Variants in THUMPD2 observed in about 807,000 individuals in gnomAD.
THUMPD2 encodes U6 snRNA (guanine-N(2))-methyltransferase THUMPD2.
In THUMPD2, 56 loss-of-function variants were observed where a neutral mutation model predicts 49.4. The observed-to-expected ratio is 1.13, with a 90% CI of 0.91 to 1.41. The LOEUF (loss-of-function observed/expected upper bound fraction) is 1.41, where lower values mean the gene tolerates loss of function less well. THUMPD2 is among the 40% of genes most tolerant of loss of function. The probability of loss-of-function intolerance (pLI) is 0.00; values close to 1 mark genes in which losing one functional copy is unlikely to be tolerated. For synonymous variants in THUMPD2, 237 were observed against 205.2 expected, an observed-to-expected ratio of 1.15 and a Z score of -1.32; for missense variants, 709 against 594.5, an observed-to-expected ratio of 1.19 and a Z score of -2.00.
chr2:39,779,190 C>G lies in THUMPD2; in HGVS notation c.50G>C (p.Arg17Pro), dbSNP rs1679534702. 6.6e-7 allele frequency: 1 copy of G among 1,518,124 alleles called. No homozygotes were observed. The highest frequency in any genetic ancestry group is 1.2e-5 in the South Asian group (1 of 81,576). The allele number at this position is 1,518,124 out of a possible 1,614,324, so 94.0% of individuals were successfully genotyped here. Residue 17 changes from arginine (R) to proline (P), a missense_variant, in exon 1 of 10, where the codon CGA becomes CCA. Arg to Pro is a moderately radical substitution (Grantham distance 103). Transcript: ENST00000505747. The part of the protein sequence containing the change: ...EPGSGPEAGA[R>P]FFCTAGRGLE... ...GCCGCGACCCGCAGTGCAGAAGAAT[C>G]GGGCGCCAGCCTCAGGCCCGGACCC... is the stretch of plus-strand genomic sequence containing the variant.
At chr2:39,768,602 G>T in intron 3 of THUMPD2, 101 bp from the exon 4 acceptor site, 1 of 951,202 alleles carries the variant, frequency 1.1e-6, no homozygotes, top group Non-Finnish European at 1.6e-6. Context: ...AATCAAGTCA[G>T]GCTATCTGAT....
chr2:39,756,012 T>G, intron 6 of THUMPD2, 52 bp from the exon 7 acceptor site: 2 of 1,490,104 alleles, frequency 1.3e-6, no homozygotes, highest in Non-Finnish European at 1.9e-6. Context: ...TAGTACGTAC[T>G]ATAAAAGAAA....
At chr2:39,745,978 GCTTC>G (rs1164270187) in intron 8 of THUMPD2, among the ~76,000 whole-genome samples, 2 of 152,150 alleles carry the variant, frequency 1.3e-5, no homozygotes, top group East Asian at 3.9e-4. Context: ...GGAAATTACT[GCTTC>G]AGTTTCTTCA....
chr2:39,739,703 G>A lies in THUMPD2; in HGVS notation c.1188-2644C>T, dbSNP rs184812134. On this transcript the variant is annotated intron_variant, in intron 9 of 9. Coordinates refer to ENST00000505747, the MANE Select transcript of THUMPD2 (RefSeq NM_025264.5). Reference sequence around the variant, plus strand: ...ATAAATGAATCTCCTGGAAAGAACCGGCAGATGAGTAGGCAGAAGATAAAA... The same window carrying A: ...ATAAATGAATCTCCTGGAAAGAACCAGCAGATGAGTAGGCAGAAGATAAAA... Among the ~76,000 whole-genome samples the A allele has an allele frequency of 4.9e-4, 74 of 152,270 alleles. 1 individual carries two copies. The South Asian group carries it at 9.7e-3, about 20-fold the overall frequency.
Position 39,755,970 on chromosome 2 carries a change from G to C in THUMPD2, c.892-10C>G. 1 of 1,612,850 alleles carries C rather than the reference G, an allele frequency of 6.2e-7. No individual in the cohort carries two copies. The highest frequency in any genetic ancestry group is 1.1e-5 in the South Asian group (1 of 91,044). On this transcript the variant is annotated splice_polypyrimidine_tract_variant and intron_variant, in intron 6 of 9. Coordinates refer to ENST00000505747, the MANE Select transcript of THUMPD2 (RefSeq NM_025264.5). ...AAACAAATGCACCAGCCTGCAGACAGAAATATTAATTTGGTATTATTAAGA... is the reference window on the plus strand; with the variant it reads ...AAACAAATGCACCAGCCTGCAGACACAAATATTAATTTGGTATTATTAAGA...
chr2:39,764,877 A>G (rs1677297906), intron 5 of THUMPD2, among the ~76,000 whole-genome samples: 2 of 152,140 alleles, frequency 1.3e-5, no homozygotes, highest in South Asian at 4.1e-4. Flanking sequence ...CTCAGTCTTA[A>G]TTTTCAGATA....
intron 9 of THUMPD2, 59 bp from the exon 10 acceptor site, chr2:39,737,118 C>A (rs1673186957): frequency 1.4e-6 from 2 of 1,439,878 alleles, no homozygotes; most frequent in Non-Finnish European, 1.9e-6. Flanking sequence ...ACAAACAATC[C>A]CACTTCATTT....
chr2:39,774,526 T>C (rs990363762), intron 1 of THUMPD2, among the ~76,000 whole-genome samples: 2 of 152,206 alleles, frequency 1.3e-5, no homozygotes, highest in Admixed American at 1.3e-4. Flanking sequence ...TGTAGTTTAA[T>C]AGATTGTAAA....
chr2:39,758,138 T>A (rs1226973752), intron 6 of THUMPD2, among the ~76,000 whole-genome samples: 1 of 152,194 alleles, frequency 6.6e-6, no homozygotes, highest in Non-Finnish European at 1.5e-5. Context: ...AACATGTTTA[T>A]ATTAAAACAA....
Sources: gnomAD v4.1 joint callset for allele counts (sites outside exome capture counted in the v4.1 genomes callset) on GRCh38, gnomAD v4.1.1 for gene constraint, MANE v1.5 for transcripts, NCBI Gene and HGNC (gene_info 2026-07-23, HGNC 2026-07-21) for gene names.